The following SRRM4 variants were observed in gnomAD, a reference collection of about 807,000 sequenced individuals.
SRRM4 encodes the protein serine/arginine repetitive matrix 4, also known as serine/arginine repetitive matrix protein 4.
A neutral mutation model predicts 68.9 loss-of-function variants in SRRM4; 33 were observed. That is an observed-to-expected ratio of 0.48 (90% CI 0.36 to 0.64). The LOEUF is 0.64. Among genes scored for constraint, SRRM4 ranks in the 30% least tolerant of loss-of-function variants. The pLI, the probability that SRRM4 is intolerant of heterozygous loss-of-function variation, is 0.00. For missense variants in SRRM4, 817 were observed against 827.1 expected (o/e 0.99, Z 0.15); for synonymous variants, 318 against 318.8 (o/e 1.00, Z 0.03).
chr12:118,995,574 T>C (rs1335872403), intron 1 of SRRM4, among the ~76,000 whole-genome samples: 1 of 152,178 alleles, frequency 6.6e-6, no homozygotes, highest in Non-Finnish European at 1.5e-5. Context: ...AATTTGATGC[T>C]ACATTAATGT....
chr12:119,046,664 T>C (rs1228352307), intron 1 of SRRM4, among the ~76,000 whole-genome samples: 3 of 152,190 alleles, frequency 2.0e-5, no homozygotes, highest in African/African-American at 7.2e-5. Flanking sequence ...GTTGCTGTTT[T>C]GTGTTTGTAT....
intron 1 of SRRM4, among the ~76,000 whole-genome samples, chr12:119,064,841 C>G (rs1953835688): frequency 6.6e-6 from 1 of 152,070 alleles, no homozygotes; most frequent in Non-Finnish European, 1.5e-5. Context: ...ATGGTTTTCT[C>G]TAGCATTTTT....
intron 1 of SRRM4, among the ~76,000 whole-genome samples, chr12:118,996,461 G>C (rs1281204488): frequency 2.0e-5 from 3 of 152,158 alleles, no homozygotes; most frequent in Non-Finnish European, 1.5e-5. Context: ...TTTAGTATAG[G>C]AGACATGTTT....
rs544486712 is a variant in SRRM4 at position 119,028,857 on chromosome 12, T to C, written c.131+46844T>C. ...AATTTGAATCGGTGATCCCAGGCTA[T>C]AGGCAAGATGAGAGAAACACTGGAC... On this transcript the variant is annotated intron_variant, in intron 1 of 12. Transcript: ENST00000267260. Among the ~76,000 whole-genome samples the C allele has an allele frequency of 2.0e-5, 3 of 152,326 alleles. No homozygotes were observed. The East Asian group carries it at 5.8e-4, about 29-fold the overall frequency.
intron 1 of SRRM4, among the ~76,000 whole-genome samples, chr12:119,100,325 T>TCCAAAAAAAAA (rs1954070660): frequency 4.1e-5 from 1 of 24,354 alleles, no homozygotes; most frequent in African/African-American, 2.2e-4. Flanking sequence ...ACCCTGTCTC[T>TCCAAAAAAAAA]ACAAAAAAAA....
At chr12:119,020,123 C>T (rs143748402) in intron 1 of SRRM4, among the ~76,000 whole-genome samples, 202 of 152,146 alleles carry the variant, frequency 1.3e-3, no homozygotes, top group African/African-American at 4.6e-3. Flanking sequence ...AGGGCATCCT[C>T]GTGCGCATCA....
At chr12:119,082,450 C>A (rs925701290) in intron 1 of SRRM4, among the ~76,000 whole-genome samples, 1 of 152,224 alleles carries the variant, frequency 6.6e-6, no homozygotes, top group African/African-American at 2.4e-5. Context: ...TGCTCTCTAG[C>A]GAGAAGGAGA....
chr12:119,019,961 C>CCCCAA (rs547396065), intron 1 of SRRM4, among the ~76,000 whole-genome samples: 1 of 90,022 alleles, frequency 1.1e-5, no homozygotes, highest in Non-Finnish European at 2.2e-5. Context: ...CCCCCCCCCC[C>CCCCAA]AAAAAAAAAT....
At chr12:119,117,686 G>A (rs1954189753) in intron 4 of SRRM4, among the ~76,000 whole-genome samples, 1 of 152,092 alleles carries the variant, frequency 6.6e-6, no homozygotes, top group South Asian at 2.1e-4. Context: ...GACCAAGGTG[G>A]GCAGATCACG....
intron 1 of SRRM4, among the ~76,000 whole-genome samples, chr12:119,024,316 C>T (rs1953534240): frequency 6.6e-6 from 1 of 152,224 alleles, no homozygotes; most frequent in South Asian, 2.1e-4. Flanking sequence ...TGTCCTCACC[C>T]AAGCTCACTG....
At chr12:119,068,019 G>A (rs1021584195) in intron 1 of SRRM4, among the ~76,000 whole-genome samples, 6 of 152,228 alleles carry the variant, frequency 3.9e-5, no homozygotes, top group Non-Finnish European at 5.9e-5. Context: ...CCTAGCAGAT[G>A]TTGACAGAAT....
At chr12:119,008,258 T>A (rs1484695026) in intron 1 of SRRM4, among the ~76,000 whole-genome samples, 1 of 151,408 alleles carries the variant, frequency 6.6e-6, no homozygotes, top group African/African-American at 2.4e-5. Context: ...GGTGTGGTGG[T>A]GCATGCCTGT....
intron 1 of SRRM4, among the ~76,000 whole-genome samples, chr12:119,043,794 A>ACACACACACACG (rs1953686534): frequency 6.6e-6 from 1 of 151,766 alleles, no homozygotes; most frequent in South Asian, 2.1e-4. Context: ...ACACACACAC[A>ACACACACACACG]CACACACACA....
At chr12:119,069,158 C>T (rs895134821) in intron 1 of SRRM4, among the ~76,000 whole-genome samples, 1 of 152,108 alleles carries the variant, frequency 6.6e-6, no homozygotes, top group Non-Finnish European at 1.5e-5. Flanking sequence ...ATAGTAAAGT[C>T]AACAATTAAG....
chr12:119,088,594 C>T (rs139560639), intron 1 of SRRM4, among the ~76,000 whole-genome samples: 2,014 of 151,910 alleles, frequency 0.013, 25 homozygotes, highest in Admixed American at 0.033. Flanking sequence ...TTGCCCAAGG[C>T]CACCAGTGAT....
At chr12:119,056,991 T>C (rs1953780150) in intron 1 of SRRM4, among the ~76,000 whole-genome samples, 1 of 152,158 alleles carries the variant, frequency 6.6e-6, no homozygotes. Context: ...TTTGCAACAA[T>C]GTTATTTGGT....
rs139383653 is a variant in SRRM4, at chr12:119,122,798, T to C, written c.515+678T>C. ...GTTTTTACCTGTGCATGGGTGGTCA[T>C]GGGGGTGTGAGCACATGGGTGCACG... On this transcript the variant is annotated intron_variant, in intron 6 of 12. Coordinates refer to ENST00000267260, the MANE Select transcript of SRRM4 (RefSeq NM_194286.4). Among the ~76,000 whole-genome samples the C allele has an allele frequency of 1.5e-3, 222 of 152,242 alleles. 1 individual carries two copies. The highest frequency in any genetic ancestry group is 5.1e-3 in the African/African-American group (212 of 41,528).
chr12:119,091,261 G>A (rs926398263), intron 1 of SRRM4, among the ~76,000 whole-genome samples: 1 of 152,204 alleles, frequency 6.6e-6, no homozygotes, highest in Admixed American at 6.5e-5. Flanking sequence ...ACTGTAGAGA[G>A]AGAAGCCTGA....
chr12:119,015,954 C>A (rs942797551), intron 1 of SRRM4, among the ~76,000 whole-genome samples: 1 of 152,088 alleles, frequency 6.6e-6, no homozygotes, highest in Non-Finnish European at 1.5e-5. Flanking sequence ...CACCAAGAAC[C>A]TTTGAATGCG....
Sources: allele counts gnomAD v4.1 joint callset (sites outside exome capture counted in the v4.1 genomes callset), GRCh38; gene constraint gnomAD v4.1.1; transcripts MANE v1.5; gene names NCBI Gene and HGNC (gene_info 2026-07-23, HGNC 2026-07-21).